EFEMP1: variants seen among roughly 807,000 people sequenced by gnomAD.
The protein encoded by EFEMP1 is EGF-containing fibulin-like extracellular matrix protein 1.
Under a neutral mutation model 65.7 loss-of-function variants are expected in EFEMP1, and 18 were observed. That is an observed-to-expected ratio of 0.27 (90% CI 0.19 to 0.41). EFEMP1 has a LOEUF of 0.41. Ranked by LOEUF, EFEMP1 falls within the 10% of genes least tolerant of loss-of-function variation. The probability of loss-of-function intolerance (pLI) is 1.00; values close to 1 mark genes in which losing one functional copy is unlikely to be tolerated. For missense variants in EFEMP1, 469 were observed against 624.8 expected, an observed-to-expected ratio of 0.75 and a Z score of 2.66; for synonymous variants, 237 against 219.7, an observed-to-expected ratio of 1.08 and a Z score of -0.70.
chr2:55,876,149 G>A (rs577952754), intron 8 of EFEMP1, among the ~76,000 whole-genome samples: 2 of 152,260 alleles, frequency 1.3e-5, no homozygotes, highest in South Asian at 4.1e-4. Flanking sequence ...AAGTCACACA[G>A]TAGCAGGAAT....
chr2:55,922,820 A>G lies in EFEMP1; in HGVS notation c.-8+79T>C. On this transcript the variant is annotated intron_variant, in intron 2 of 11. Coordinates refer to ENST00000355426, the MANE Select transcript of EFEMP1 (RefSeq NM_001039348.3). The surrounding 1 kb of genome is among the most constrained non-coding windows in gnomAD (Gnocchi z 5.5). Reference sequence around the variant, plus strand: ...GGGGACGGTGCATTTCCTGCCCCCCAGTCCCACACCCCGGGGGATGGAGGT... The same window carrying G: ...GGGGACGGTGCATTTCCTGCCCCCCGGTCCCACACCCCGGGGGATGGAGGT... The G allele has an allele frequency of 9.3e-7, 1 of 1,071,990 alleles. No homozygotes were observed. The highest frequency in any genetic ancestry group is 6.1e-5 in the East Asian group (1 of 16,484). 66.4% of individuals were successfully genotyped at this position (1,071,990 alleles called of 1,614,324 possible).
intron 5 of EFEMP1, among the ~76,000 whole-genome samples, chr2:55,904,450 AGT>A (rs778072156): frequency 1.3e-5 from 2 of 152,160 alleles, no homozygotes; most frequent in Non-Finnish European, 2.9e-5. Flanking sequence ...ATTATTTCTG[AGT>A]GTGTCTGTGA....
intron 5 of EFEMP1, among the ~76,000 whole-genome samples, chr2:55,888,338 T>TA (rs1487899833): frequency 2.1e-5 from 3 of 143,738 alleles, no homozygotes; most frequent in African/African-American, 5.2e-5. Context: ...CTTAAACTTT[T>TA]TTTTTTTTTT....
chr2:55,904,724 T>C (rs1472883961), intron 5 of EFEMP1, among the ~76,000 whole-genome samples: 7 of 152,222 alleles, frequency 4.6e-5, no homozygotes, highest in Admixed American at 4.6e-4. Flanking sequence ...ACACCCTTTT[T>C]AGCCCTTTAG....
Position 55,867,359 on chromosome 2 carries a change from T to C in EFEMP1, c.1321-125A>G, listed in dbSNP as rs1668617334. ...TTTGAAGGTGGTATAAAAGAGCCAC[T>C]ACTTGGTCCCTTCTTGGTTTCAACT... On this transcript the variant is annotated intron_variant, in intron 11 of 11. Coordinates refer to ENST00000355426, the MANE Select transcript of EFEMP1 (RefSeq NM_001039348.3). This position sits in a 1 kb window ranked among gnomAD's most constrained non-coding sequence, Gnocchi z 4.3. 1 of 1,026,916 alleles carries C rather than the reference T, an allele frequency of 9.7e-7. No individual in the cohort carries two copies. Among genetic ancestry groups the C allele is most frequent in the Non-Finnish European group, 1.4e-6 (1 of 706,320 alleles). 63.6% of individuals were successfully genotyped at this position (1,026,916 alleles called of 1,614,324 possible). A position where few individuals can be genotyped will look rare whatever the true frequency, so the allele number is the denominator to read the frequency against.
intron 5 of EFEMP1, among the ~76,000 whole-genome samples, chr2:55,907,789 T>A (rs903522983): frequency 6.6e-6 from 1 of 152,154 alleles, no homozygotes; most frequent in African/African-American, 2.4e-5. Context: ...CTCAAGGGAG[T>A]AGGATTGGAT....
intron 6 of EFEMP1, among the ~76,000 whole-genome samples, chr2:55,880,083 T>C (rs968600065): frequency 2.6e-5 from 4 of 152,136 alleles, no homozygotes; most frequent in Non-Finnish European, 5.9e-5. Flanking sequence ...AGTAACACTG[T>C]GTGACGTGTG....
At chr2:55,904,966 CTTTTTTTTTTTTCTTTTTCTT>C (rs1391687527) in intron 5 of EFEMP1, among the ~76,000 whole-genome samples, 1 of 70,558 alleles carries the variant, frequency 1.4e-5, no homozygotes, top group East Asian at 9.5e-4. Flanking sequence ...GGGATAGTGG[CTTTTTTTTTTTTCTTTTTCTT>C]TTTTTTTTTT....
At position 55,867,260 on chromosome 2, in the gene EFEMP1, G is replaced by A; in HGVS notation, c.1321-26C>T. The stretch of plus-strand genomic sequence containing the variant: ...CTAAAATAAAAGAAAATAGAGAAAG[G>A]AAGAGAATAATTTTCTTGGATTGGA... On this transcript the variant is annotated intron_variant, in intron 11 of 11. Transcript: ENST00000355426. This position sits in a 1 kb window ranked among gnomAD's most constrained non-coding sequence, Gnocchi z 4.3. The A allele has an allele frequency of 6.2e-7, 1 of 1,610,828 alleles. No homozygotes were observed. The highest frequency in any genetic ancestry group is 8.5e-7 in the Non-Finnish European group (1 of 1,178,322).
At position 55,922,488 on chromosome 2, in the gene EFEMP1, T is replaced by A; in HGVS notation, c.-7-41A>T. ...GGACAAACTAATGTTTAGTATCTGC[T>A]GCGGGGAAAGTAACAAAACTTTAGC... is the stretch of plus-strand genomic sequence containing the variant. On this transcript the variant is annotated intron_variant, in intron 2 of 11. Coordinates refer to ENST00000355426, the MANE Select transcript of EFEMP1 (RefSeq NM_001039348.3). This position sits in a 1 kb window ranked among gnomAD's most constrained non-coding sequence, Gnocchi z 5.5. 1 of 1,580,882 alleles carries A rather than the reference T, an allele frequency of 6.3e-7. No individual in the cohort carries two copies.
At position 55,884,014 on chromosome 2, in the gene EFEMP1, A is replaced by G. The variant is rs137975512; in HGVS notation, c.518-2280T>C. Reference sequence around the variant, plus strand: ...TTGCCTCACCTAGGACTGACTGGTGATTACACATTTTACTTACTGGGACTC... The same window carrying G: ...TTGCCTCACCTAGGACTGACTGGTGGTTACACATTTTACTTACTGGGACTC... On this transcript the variant is annotated intron_variant, in intron 5 of 11. Coordinates refer to ENST00000355426, the MANE Select transcript of EFEMP1 (RefSeq NM_001039348.3). Among the ~76,000 whole-genome samples, 875 of 152,306 alleles carry G rather than the reference A, an allele frequency of 5.7e-3. 9 individuals are homozygous for G. The highest frequency in any genetic ancestry group is 0.02 in the African/African-American group (832 of 41,554).
At chr2:55,899,650 A>C (rs1400567573) in intron 5 of EFEMP1, among the ~76,000 whole-genome samples, 1 of 152,216 alleles carries the variant, frequency 6.6e-6, no homozygotes, top group Non-Finnish European at 1.5e-5. Flanking sequence ...TTTTGGTTAC[A>C]TAATCTCTCA....
intron 6 of EFEMP1, among the ~76,000 whole-genome samples, chr2:55,878,954 G>GTAAGAAGAA (rs1275798217): frequency 6.6e-6 from 1 of 152,180 alleles, no homozygotes; most frequent in East Asian, 1.9e-4. Flanking sequence ...GAAATAAATA[G>GTAAGAAGAA]TAAGAAGATA....
chr2:55,888,334 C>CTTTTTTTTTTTTTT (rs71713705), intron 5 of EFEMP1, among the ~76,000 whole-genome samples: 1 of 114,308 alleles, frequency 8.7e-6, no homozygotes. Flanking sequence ...CCTTCTTAAA[C>CTTTTTTTTTTTTTT]TTTTTTTTTT....
chr2:55,922,907 A>T lies in EFEMP1; in HGVS notation c.-16T>A, dbSNP rs187417918. 5.9e-4 allele frequency: 654 copies of T among 1,102,036 alleles called. 16 individuals carry two copies. In the South Asian group the frequency reaches 0.016, roughly 27 times the overall value. 68.3% of individuals were successfully genotyped at this position (1,102,036 alleles called of 1,614,324 possible). Reference sequence around the variant, plus strand: ...TTTCCCAGTATACTCACCTTGAGCTAGCAGAGTTCCTTGCACAGCACAGCA... The same window carrying T: ...TTTCCCAGTATACTCACCTTGAGCTTGCAGAGTTCCTTGCACAGCACAGCA... On this transcript the variant is annotated 5_prime_UTR_variant, in exon 2 of 12. Coordinates refer to ENST00000355426, the MANE Select transcript of EFEMP1 (RefSeq NM_001039348.3). The surrounding 1 kb of genome is among the most constrained non-coding windows in gnomAD (Gnocchi z 5.5).
intron 5 of EFEMP1, among the ~76,000 whole-genome samples, chr2:55,894,830 C>T (rs1166914121): frequency 1.3e-5 from 2 of 152,056 alleles, no homozygotes; most frequent in South Asian, 2.1e-4. Context: ...AACTTAAGGC[C>T]CAAGGAAAAG....
intron 5 of EFEMP1, among the ~76,000 whole-genome samples, chr2:55,895,102 G>A (rs1034128757): frequency 3.7e-4 from 57 of 152,218 alleles, no homozygotes; most frequent in African/African-American, 1.3e-3. Context: ...CCAGTGCTGA[G>A]GCTCTCTAGT....
Position 55,918,239 on chromosome 2 carries a change from G to A in EFEMP1, c.110C>T (p.Pro37Leu), listed in dbSNP as rs1291791714. ...TQCTDGYEWD[P>L]VRQQCKDIDE... ...CTCACCTTTGCATTGCTGTCTCACA[G>A]GATCCCACTCATATCCGTCAGTGCA... Residue 37 changes from proline to leucine, a missense_variant, in exon 4 of 12, where the codon CCT becomes CTT. By Grantham distance (98) the Pro-to-Leu change is moderately conservative. Transcript: ENST00000355426. 6.2e-7 allele frequency: 1 copy of A among 1,614,200 alleles called. No homozygotes were observed. The highest frequency in any genetic ancestry group is 1.7e-5 in the Admixed American group (1 of 60,024).
intron 5 of EFEMP1, among the ~76,000 whole-genome samples, chr2:55,895,635 G>A (rs998672274): frequency 2.6e-5 from 4 of 151,654 alleles, no homozygotes; most frequent in Non-Finnish European, 2.9e-5. Flanking sequence ...TCCGCCCCCG[G>A]GGTTCACGCC....
Sources: allele counts gnomAD v4.1 joint callset (sites outside exome capture counted in the v4.1 genomes callset), GRCh38; gene constraint gnomAD v4.1.1; non-coding constraint Gnocchi (gnomAD v3.1); transcripts MANE v1.5; gene names NCBI Gene and HGNC (gene_info 2026-07-23, HGNC 2026-07-21).